The following CDH23 variants were observed in gnomAD, a reference collection of about 807,000 sequenced individuals.
The protein encoded by CDH23 is cadherin-23.
Under a neutral mutation model 317.1 loss-of-function variants are expected in CDH23, and 189 were observed. The ratio of observed to expected loss-of-function variants is 0.60; its 90% CI spans 0.53 to 0.67. The LOEUF (loss-of-function observed/expected upper bound fraction) is 0.67. Among genes scored for constraint, CDH23 ranks in the 30% least tolerant of loss-of-function variants. CDH23 has a pLI of 0.00. For missense variants in CDH23, 4,401 were observed against 4,592.4 expected (o/e 0.96, Z 1.20); for synonymous variants, 1,839 against 1,876.8 (o/e 0.98, Z 0.52).
chr10:71,552,001 G>T, intron 6 of CDH23, among the ~76,000 whole-genome samples: 1 of 152,222 alleles, frequency 6.6e-6, no homozygotes, highest in South Asian at 2.1e-4. Flanking sequence ...TCCTTGGGCT[G>T]TCCCCGCCCA....
intron 44 of CDH23, 84 bp downstream of exon 44, chr10:71,785,822 A>C: frequency 1.2e-6 from 1 of 860,048 alleles, no homozygotes; most frequent in Non-Finnish European, 1.9e-6. Context: ...TGCAGGCAGC[A>C]TAGCCAGGCT....
In CDH23 at chr10:71,617,263, A is replaced by T. The variant is rs539249395; in HGVS notation, c.1004A>T (p.Asn335Ile). 1 of 1,614,000 alleles carries T rather than the reference A, an allele frequency of 6.2e-7. No individual in the cohort carries two copies. The highest frequency in any genetic ancestry group is 2.2e-5 in the East Asian group (1 of 44,890). Residue 335 changes from asparagine (N) to isoleucine (I), a missense_variant, in exon 11 of 70, where the codon AAT becomes ATT. Physicochemically the swap from Asn to Ile is moderately radical, Grantham distance 149 (BLOSUM62 -3). Transcript: ENST00000224721. ...GACGCTACAGTCACCACGACCTTCAATATCCTGGTTATTGACATCAATGAC... is the reference window on the plus strand; with the variant it reads ...GACGCTACAGTCACCACGACCTTCATTATCCTGGTTATTGACATCAATGAC... Reference protein sequence around the residue: ...PSDATVTTTFNILVIDINDNA... With the variant: ...PSDATVTTTFIILVIDINDNA...
At chr10:71,607,569 G>A (rs1860606040) in intron 9 of CDH23, among the ~76,000 whole-genome samples, 1 of 152,188 alleles carries the variant, frequency 6.6e-6, no homozygotes, top group South Asian at 2.1e-4. Flanking sequence ...GGGTGAGAGG[G>A]GCCACAGCTG....
At chr10:71,524,046 TC>T (rs947971846) in intron 6 of CDH23, among the ~76,000 whole-genome samples, 76 of 152,268 alleles carry the variant, frequency 5.0e-4, no homozygotes, top group African/African-American at 1.7e-3. Flanking sequence ...TCCTAATTCA[TC>T]CCTCCTCCCA....
chr10:71,761,922 C>T (rs1840400913), intron 38 of CDH23: 1 of 1,613,954 alleles, frequency 6.2e-7, no homozygotes, highest in Non-Finnish European at 8.5e-7. Flanking sequence ...ACATCGTGCC[C>T]TTTGTCCACA....
intron 26 of CDH23, 117 bp downstream of exon 26, chr10:71,707,166 C>G: frequency 6.5e-7 from 1 of 1,542,074 alleles, no homozygotes. Context: ...GGTCAGGGCT[C>G]TACTGTTGGG....
At position 71,432,894 on chromosome 10, in the gene CDH23, C is replaced by T. The variant is rs117988221; in HGVS notation, c.-5-6933C>T. 8.5e-5 allele frequency among the ~76,000 whole-genome samples: 13 copies of T among 152,264 alleles called. No individual in the cohort carries two copies. In the East Asian group the frequency reaches 1.2e-3, roughly 14 times the overall value. Reference sequence around the variant, plus strand: ...GGAGGGGTGTCAGCCAGAGGACCGCCGAGGACCCTCCCAGCTCCCAGAGTC... The same window carrying T: ...GGAGGGGTGTCAGCCAGAGGACCGCTGAGGACCCTCCCAGCTCCCAGAGTC... On this transcript the variant is annotated intron_variant, in intron 1 of 69. Coordinates refer to ENST00000224721, the MANE Select transcript of CDH23 (RefSeq NM_022124.6).
chr10:71,534,565 C>A (rs1368877065), intron 6 of CDH23, among the ~76,000 whole-genome samples: 1 of 152,202 alleles, frequency 6.6e-6, no homozygotes, highest in Non-Finnish European at 1.5e-5. Context: ...AAGAATCCTG[C>A]CAGCTTGACA....
intron 6 of CDH23, among the ~76,000 whole-genome samples, chr10:71,524,947 A>G (rs981246923): frequency 2.0e-5 from 3 of 152,148 alleles, no homozygotes; most frequent in Non-Finnish European, 4.4e-5. Context: ...ACAGAGTCTT[A>G]CTCTGTCACC....
At chr10:71,676,614 G>A (rs1864381723) in intron 15 of CDH23, among the ~76,000 whole-genome samples, 1 of 152,176 alleles carries the variant, frequency 6.6e-6, no homozygotes, top group African/African-American at 2.4e-5. Context: ...GTGACACAGT[G>A]AAACCCTATC....
chr10:71,750,901 T>G, intron 38 of CDH23: 1 of 222,532 alleles, frequency 4.5e-6, no homozygotes, highest in Non-Finnish European at 8.8e-6. Flanking sequence ...GTCCCACTGA[T>G]GCTGCCACAT....
intron 25 of CDH23, among the ~76,000 whole-genome samples, chr10:71,705,789 G>A (rs1369947259): frequency 6.6e-6 from 1 of 152,184 alleles, no homozygotes; most frequent in Non-Finnish European, 1.5e-5. Context: ...AGGGAAATAA[G>A]GGCAGAGTTT....
At chr10:71,454,260 G>C (rs1297046506) in intron 3 of CDH23, among the ~76,000 whole-genome samples, 1 of 152,162 alleles carries the variant, frequency 6.6e-6, no homozygotes, top group African/African-American at 2.4e-5. Context: ...TTACCTCTTT[G>C]GGTTTATGTG....
chr10:71,722,227 G>A (rs1362409225), intron 28 of CDH23, among the ~76,000 whole-genome samples: 1 of 152,202 alleles, frequency 6.6e-6, no homozygotes, highest in Non-Finnish European at 1.5e-5. Context: ...GATTGCTTGA[G>A]CTCAGGAGTT....
intron 38 of CDH23, among the ~76,000 whole-genome samples, chr10:71,762,374 C>T (rs990889941): frequency 3.3e-5 from 5 of 152,216 alleles, no homozygotes; most frequent in Non-Finnish European, 7.4e-5. Flanking sequence ...AAGGCTGTTT[C>T]GAACAGCAGC....
intron 6 of CDH23, among the ~76,000 whole-genome samples, chr10:71,523,352 A>C (rs1419380033): frequency 6.6e-6 from 1 of 152,136 alleles, no homozygotes; most frequent in Admixed American, 6.5e-5. Flanking sequence ...AATTCTTCTA[A>C]AGCATTGTCT....
At chr10:71,721,603 C>G (rs1371740564) in intron 28 of CDH23, among the ~76,000 whole-genome samples, 1 of 152,198 alleles carries the variant, frequency 6.6e-6, no homozygotes, top group African/African-American at 2.4e-5. Context: ...GGCCCTTGTT[C>G]TTTTTGCTCC....
At chr10:71,543,618 A>C (rs1340038214) in intron 6 of CDH23, among the ~76,000 whole-genome samples, 1 of 152,230 alleles carries the variant, frequency 6.6e-6, no homozygotes, top group African/African-American at 2.4e-5. Context: ...GAATTTTACA[A>C]GTCCTCATGC....
In CDH23 at chr10:71,784,366, C is replaced by G. The variant is rs1385724255; in HGVS notation, c.5448C>G (p.Phe1816Leu). Residue 1816 changes from phenylalanine to leucine, a missense_variant, in exon 42 of 70, where the codon TTC (phenylalanine) becomes TTG (leucine). By Grantham distance (22) the Phe-to-Leu change is conservative. Transcript: ENST00000224721. ...DVELDRETIA[F>L]YNLTICARDR... ...AGCTGGACCGGGAGACCATCGCCTT[C>G]TACAACCTGACCATCTGTGCCCGTG... is the stretch of plus-strand genomic sequence containing the variant. 6.2e-7 allele frequency: 1 copy of G among 1,613,960 alleles called. No individual in the cohort carries two copies. Among genetic ancestry groups the G allele is most frequent in the Non-Finnish European group, 8.5e-7 (1 of 1,179,850 alleles).
Sources: allele counts gnomAD v4.1 joint callset (sites outside exome capture counted in the v4.1 genomes callset), GRCh38; gene constraint gnomAD v4.1.1; transcripts MANE v1.5; gene names NCBI Gene and HGNC (gene_info 2026-07-23, HGNC 2026-07-21).